The following TUBGCP3 variants were observed in gnomAD, a reference collection of about 807,000 sequenced individuals.
TUBGCP3 encodes gamma-tubulin complex component 3.
In TUBGCP3, 50 loss-of-function variants were observed where a neutral mutation model predicts 123.1. The ratio of observed to expected loss-of-function variants is 0.41; its 90% CI spans 0.32 to 0.51. The LOEUF (loss-of-function observed/expected upper bound fraction) is 0.51. Among genes scored for constraint, TUBGCP3 ranks in the 20% least tolerant of loss-of-function variants. The pLI, the probability that TUBGCP3 is intolerant of heterozygous loss-of-function variation, is 0.36. For missense variants in TUBGCP3, 882 were observed against 1,127.0 expected (o/e 0.78, Z 3.11); for synonymous variants, 405 against 413.9 (o/e 0.98, Z 0.26).
In TUBGCP3 at chr13:112,561,155, C is replaced by T. The variant is rs187780363; in HGVS notation, c.253-1756G>A. On this transcript the variant is annotated intron_variant, in intron 3 of 21. Coordinates refer to ENST00000261965, the MANE Select transcript of TUBGCP3 (RefSeq NM_006322.6). ...CAAGTGACGAACATGCTGGAGGGGA[C>T]AACATGAGAGGAAGACCGCTGTTAT... Among the ~76,000 whole-genome samples the T allele has an allele frequency of 2.0e-3, 298 of 152,252 alleles. 1 individual carries two copies. Among genetic ancestry groups the T allele is most frequent in the African/African-American group, 6.8e-3 (281 of 41,548 alleles).
rs1469150584 is a variant in TUBGCP3 at position 112,545,549 on chromosome 13, G to T, written c.1335+150C>A. The T allele has an allele frequency of 2.5e-6, 2 of 810,212 alleles. No individual in the cohort carries two copies. The highest frequency in any genetic ancestry group is 1.9e-6 in the Non-Finnish European group (1 of 515,138). The allele number at this position is 810,212 out of a possible 1,614,324, so 50.2% of individuals were successfully genotyped here. On this transcript the variant is annotated intron_variant, in intron 11 of 21. Transcript: ENST00000261965. The surrounding 1 kb of genome is among the most constrained non-coding windows in gnomAD (Gnocchi z 4.1). Reference sequence around the variant, plus strand: ...TTCAGTGAGATAACCAGCTGTCGAGGCACTGTGTAAAATGTATATGGTATT... The same window carrying T: ...TTCAGTGAGATAACCAGCTGTCGAGTCACTGTGTAAAATGTATATGGTATT...
chr13:112,502,705 C>T (rs1361511931), intron 19 of TUBGCP3, among the ~76,000 whole-genome samples: 1 of 151,934 alleles, frequency 6.6e-6, no homozygotes, highest in Non-Finnish European at 1.5e-5. Flanking sequence ...ACCACCACAC[C>T]TGGCTAATTT....
the TUBGCP3 span, among the ~76,000 whole-genome samples, chr13:112,597,598 G>A: frequency 2.0e-5 from 3 of 152,078 alleles, no homozygotes; most frequent in Non-Finnish European, 4.4e-5. Flanking sequence ...GATTGGGAAT[G>A]TTTGGCAAAG....
intron 20 of TUBGCP3, among the ~76,000 whole-genome samples, chr13:112,491,022 T>C (rs1880056291): frequency 6.6e-6 from 1 of 152,258 alleles, no homozygotes; most frequent in Non-Finnish European, 1.5e-5. Context: ...ACTTGTTTTG[T>C]ATGTTTGTGC....
chr13:112,553,248 C>A (rs12583502), intron 8 of TUBGCP3, among the ~76,000 whole-genome samples: 11,134 of 151,730 alleles, frequency 0.073, 849 homozygotes, highest in African/African-American at 0.2. Context: ...GCACCACACT[C>A]CTCCCCACCA....
At chr13:112,601,446 C>T in the TUBGCP3 span, among the ~76,000 whole-genome samples, 1 of 152,180 alleles carries the variant, frequency 6.6e-6, no homozygotes, top group Non-Finnish European at 1.5e-5. Context: ...GATTCATTCT[C>T]TCGGTAGCGT....
the TUBGCP3 span, among the ~76,000 whole-genome samples, chr13:112,599,139 C>T: frequency 1.3e-5 from 2 of 152,278 alleles, no homozygotes; most frequent in South Asian, 2.1e-4. Flanking sequence ...GTTCTGATCG[C>T]GTATTATCAC....
intron 6 of TUBGCP3, among the ~76,000 whole-genome samples, 196 bp downstream of exon 6, chr13:112,555,856 A>T (rs1389196321): frequency 6.6e-6 from 1 of 152,148 alleles, no homozygotes; most frequent in Non-Finnish European, 1.5e-5. Context: ...GGGAGGAAAA[A>T]GCCCAGGTGG....
At chr13:112,548,926 G>C (rs9550140) in intron 8 of TUBGCP3, among the ~76,000 whole-genome samples, 23,185 of 152,206 alleles carry the variant, frequency 0.15, 2,018 homozygotes, top group Non-Finnish European at 0.2. Context: ...AGACAGTGTG[G>C]CGATTCCTCA....
chr13:112,557,401 G>T (rs7317283), intron 5 of TUBGCP3, among the ~76,000 whole-genome samples: 22,971 of 152,022 alleles, frequency 0.15, 2,043 homozygotes, highest in Non-Finnish European at 0.21. Flanking sequence ...ATCACAAAAT[G>T]ATTTATAATT....
chr13:112,555,106 G>A (rs1368202642), intron 6 of TUBGCP3, 101 bp from the exon 7 acceptor site: 24 of 697,182 alleles, frequency 3.4e-5, no homozygotes, highest in Middle Eastern at 3.6e-4. Context: ...TTGCCACCCC[G>A]ATGAAATTTA....
chr13:112,564,941 C>T (rs1880837918), intron 3 of TUBGCP3, among the ~76,000 whole-genome samples, 170 bp downstream of exon 3: 1 of 152,196 alleles, frequency 6.6e-6, no homozygotes, highest in South Asian at 2.1e-4. Context: ...CCAGCTAAAA[C>T]TTCTAATACT....
At chr13:112,552,288 G>A (rs927581775) in intron 8 of TUBGCP3, among the ~76,000 whole-genome samples, 1 of 152,190 alleles carries the variant, frequency 6.6e-6, no homozygotes, top group African/African-American at 2.4e-5. Flanking sequence ...AAGTTGACTG[G>A]GACCTATCAG....
intron 11 of TUBGCP3, among the ~76,000 whole-genome samples, chr13:112,531,414 A>G (rs1255132454): frequency 2.6e-5 from 4 of 152,234 alleles, no homozygotes; most frequent in Non-Finnish European, 4.4e-5. Context: ...TCAATTGTCC[A>G]TGACAGAAAT....
intron 17 of TUBGCP3, among the ~76,000 whole-genome samples, chr13:112,506,546 G>A (rs572735245): frequency 2.0e-5 from 3 of 152,280 alleles, no homozygotes; most frequent in South Asian, 2.1e-4. Context: ...GACATCTGCC[G>A]AGCATCTGTC....
chr13:112,516,502 T>C lies in TUBGCP3; in HGVS notation c.2024A>G (p.Tyr675Cys), dbSNP rs371263383. The C allele has an allele frequency of 2.7e-5, 44 of 1,613,980 alleles. No homozygotes were observed. The highest frequency in any genetic ancestry group is 3.5e-5 in the Non-Finnish European group (41 of 1,179,980). ...NFLWRAKRME[Y>C]ILTDIRKGHM... ...TCCCTTCCGTATGTCAGTGAGGATG[T>C]ATTCCATCCGCTTCGCCCTCCAGAG... Residue 675 changes from tyrosine to cysteine, a missense_variant, in exon 17 of 22, where the codon TAC becomes TGC. By Grantham distance (194) the Tyr-to-Cys change is radical. Around this residue, in one of 3 missense-constraint regions of TUBGCP3, gnomAD observed 713 missense variants for 874.0 expected, o/e 0.82. Transcript: ENST00000261965.
chr13:112,575,275 A>C (rs1881721046), intron 1 of TUBGCP3, among the ~76,000 whole-genome samples: 1 of 152,272 alleles, frequency 6.6e-6, no homozygotes, highest in African/African-American at 2.4e-5. Flanking sequence ...AAGATATTCC[A>C]TGAAAACACT....
intron 20 of TUBGCP3, among the ~76,000 whole-genome samples, chr13:112,496,557 G>C (rs939352011): frequency 3.9e-5 from 6 of 152,210 alleles, no homozygotes; most frequent in Non-Finnish European, 5.9e-5. Flanking sequence ...GCATCCTTAA[G>C]CAAGTCTGAA....
rs1445718156 is a variant in TUBGCP3 at position 112,527,497 on chromosome 13, G to T, written c.1336-13C>A. On this transcript the variant is annotated splice_polypyrimidine_tract_variant and intron_variant, in intron 11 of 21. Coordinates refer to ENST00000261965, the MANE Select transcript of TUBGCP3 (RefSeq NM_006322.6). ...ATGCTACAAAAAACTGAAAGCAAAG[G>T]GGCATGGAAATGTTCAAGAGTGATA... The T allele has an allele frequency of 1.9e-6, 3 of 1,577,970 alleles. No individual in the cohort carries two copies. Among genetic ancestry groups the T allele is most frequent in the African/African-American group, 2.7e-5 (2 of 74,106 alleles).
Sources: allele counts gnomAD v4.1 joint callset (sites outside exome capture counted in the v4.1 genomes callset), GRCh38; gene constraint gnomAD v4.1.1; regional missense constraint gnomAD v4.1.1; non-coding constraint Gnocchi (gnomAD v3.1); transcripts MANE v1.5; gene names NCBI Gene and HGNC (gene_info 2026-07-23, HGNC 2026-07-21).